Variants in RNASE4 observed in about 807,000 individuals in gnomAD.
RNASE4 encodes the protein ribonuclease 4.
For synonymous variants in RNASE4, 93 were observed against 71.4 expected, an observed-to-expected ratio of 1.30 and a Z score of -1.52; for missense variants, 194 against 192.8, an observed-to-expected ratio of 1.01 and a Z score of -0.04.
At position 20,694,018 on chromosome 14, in the gene RNASE4, C is replaced by T. The variant is rs778543068; in HGVS notation, c.-17-5337C>T. The T allele has an allele frequency of 3.9e-5, 63 of 1,613,960 alleles. 1 individual carries two copies. In the South Asian group the frequency reaches 6.4e-4, roughly 16 times the overall value. On this transcript the variant is annotated intron_variant, in intron 1 of 1. Coordinates refer to ENST00000555835, the MANE Select transcript of RNASE4 (RefSeq NM_002937.5). ...TTTCCGTCGTCCGTAACCAGCGGGC[C>T]CCTGGTCAAGTGCTGGCTCTGCTGT...
chr14:20,694,077 A>G (rs1311022216), intron 1 of RNASE4: 7 of 1,571,186 alleles, frequency 4.5e-6, no homozygotes, highest in Non-Finnish European at 6.1e-6. Flanking sequence ...CACCCAGAAC[A>G]GTGGTGGCAA....
At chr14:20,693,999 T>C in intron 1 of RNASE4, 4 of 1,614,144 alleles carry the variant, frequency 2.5e-6, no homozygotes, top group Non-Finnish European at 3.4e-6. Context: ...CAATTTTCCG[T>C]CGTCCGTAAC....
rs1320197302 is a variant in RNASE4, at chr14:20,693,689, C to T, written c.-17-5666C>T. The T allele has an allele frequency of 3.1e-6, 5 of 1,614,170 alleles. No homozygotes were observed. The highest frequency in any genetic ancestry group is 4.2e-6 in the Non-Finnish European group (5 of 1,180,040). On this transcript the variant is annotated intron_variant, in intron 1 of 1. Transcript: ENST00000555835. ...CTGACCCAGCACTATGATGCCAAAC[C>T]ACAGGGCCGGGATGACAGATACTGT... is the stretch of plus-strand genomic sequence containing the variant.
chr14:20,686,735 C>T (rs760526908), intron 1 of RNASE4, among the ~76,000 whole-genome samples: 22 of 152,216 alleles, frequency 1.4e-4, no homozygotes, highest in Non-Finnish European at 3.1e-4. Context: ...CTTCTTGCCA[C>T]GTGTGCTTTT....
chr14:20,688,837 G>T lies in RNASE4; in HGVS notation c.-18+4079G>T, dbSNP rs935562394. ...CAGCTGGAACCCATCTCCCGTTGAA[G>T]GGAAACTGCCAGATTTTTGTAAGAT... On this transcript the variant is annotated intron_variant, in intron 1 of 1. Coordinates refer to ENST00000555835, the MANE Select transcript of RNASE4 (RefSeq NM_002937.5). 17 of 985,258 alleles carry T rather than the reference G, an allele frequency of 1.7e-5. No individual in the cohort carries two copies. The African/African-American group carries it at 2.3e-4, about 13-fold the overall frequency. The allele number at this position is 985,258 out of a possible 1,614,324, so 61.0% of individuals were successfully genotyped here.
In RNASE4 at chr14:20,693,652, TAC is replaced by T. The variant is rs746835738; in HGVS notation, c.-17-5696_-17-5695del. On this transcript the variant is annotated intron_variant, in intron 1 of 1. Coordinates refer to ENST00000555835, the MANE Select transcript of RNASE4 (RefSeq NM_002937.5). ...GACCCTGGCTCAGGATAACTCCAGG[TAC>T]ACACACTTCCTGACCCAGCACTATG... The T allele has an allele frequency of 6.7e-5, 108 of 1,613,988 alleles. No homozygotes were observed. The highest frequency in any genetic ancestry group is 9.0e-5 in the Non-Finnish European group (106 of 1,180,034).
At chr14:20,690,077 CG>C (rs1886646825) in intron 1 of RNASE4, among the ~76,000 whole-genome samples, 1 of 142,790 alleles carries the variant, frequency 7.0e-6, no homozygotes, top group South Asian at 2.2e-4. Flanking sequence ...TAGCCGGGCG[CG>C]GTGGCGGGCG....
intron 1 of RNASE4, chr14:20,693,397 G>T: frequency 9.8e-7 from 1 of 1,015,304 alleles, no homozygotes; most frequent in South Asian, 1.5e-5. Flanking sequence ...GAAGTGTGAG[G>T]TTAATGAGGA....
intron 1 of RNASE4, among the ~76,000 whole-genome samples, chr14:20,692,842 T>A (rs1056474365): frequency 2.0e-5 from 3 of 152,226 alleles, no homozygotes; most frequent in African/African-American, 7.2e-5. Flanking sequence ...GGCATTTTTT[T>A]ATTTTTTGTT....
At chr14:20,694,262 T>C (rs1003809217) in intron 1 of RNASE4, 56 of 565,760 alleles carry the variant, frequency 9.9e-5, no homozygotes, top group Non-Finnish European at 1.7e-4. Flanking sequence ...CTGAGAGGAC[T>C]GCATAGGATA....
chr14:20,686,896 T>C (rs996992196), intron 1 of RNASE4, among the ~76,000 whole-genome samples: 1 of 152,164 alleles, frequency 6.6e-6, no homozygotes, highest in African/African-American at 2.4e-5. Flanking sequence ...ACATATATAC[T>C]CTGTATGAAG....
At chr14:20,689,038 G>T (rs1886559784) in intron 1 of RNASE4, among the ~76,000 whole-genome samples, 1 of 152,158 alleles carries the variant, frequency 6.6e-6, no homozygotes, top group South Asian at 2.1e-4. Context: ...TTTTGGGATG[G>T]CCTATGTGTG....
chr14:20,685,457 G>A (rs1010459), intron 1 of RNASE4, among the ~76,000 whole-genome samples: 65,130 of 151,460 alleles, frequency 0.43, 13,978 homozygotes, highest in Middle Eastern at 0.52. Flanking sequence ...AAGTCATAAT[G>A]TAATCAGTAG....
chr14:20,688,821 C>A (rs780800053), intron 1 of RNASE4: 13 of 985,376 alleles, frequency 1.3e-5, no homozygotes, highest in Admixed American at 6.1e-5. Context: ...ACAGCTGGAA[C>A]CCATCTCCCG....
Position 20,700,860 on chromosome 14 carries a change from G to A in RNASE4, c.*1045G>A, listed in dbSNP as rs538529534. ...CTGTCAGGTCTCTGAGCCCAAGCCT[G>A]CACGTATACATCCAGATGGCCTGAA... On this transcript the variant is annotated 3_prime_UTR_variant, in exon 2 of 2. Transcript: ENST00000555835. 1 of 152,608 alleles carries A rather than the reference G, an allele frequency of 6.6e-6. No homozygotes were observed. The highest frequency in any genetic ancestry group is 1.5e-5 in the Non-Finnish European group (1 of 68,030). 9.5% of individuals were successfully genotyped at this position (152,608 alleles called of 1,614,324 possible).
chr14:20,699,654 G>A lies in RNASE4; in HGVS notation c.283G>A (p.Gly95Ser), dbSNP rs140987956. Residue 95 changes from glycine to serine, a missense_variant, in exon 2 of 2, where the codon GGC becomes AGC. Coordinates refer to ENST00000555835, the MANE Select transcript of RNASE4 (RefSeq NM_002937.5). ...CSTTNIQCKN[G>S]KMNCHEGVVK... Reference sequence around the variant, plus strand: ...CACCACCAATATCCAATGCAAGAACGGCAAGATGAACTGCCATGAGGGTGT... The same window carrying A: ...CACCACCAATATCCAATGCAAGAACAGCAAGATGAACTGCCATGAGGGTGT... The A allele has an allele frequency of 1.7e-5, 28 of 1,612,060 alleles. No homozygotes were observed. Among genetic ancestry groups the A allele is most frequent in the African/African-American group, 1.2e-4 (9 of 74,916 alleles).
chr14:20,696,730 G>GT (rs929297187), intron 1 of RNASE4, among the ~76,000 whole-genome samples: 1 of 149,116 alleles, frequency 6.7e-6, no homozygotes. Flanking sequence ...AATGGAAGTG[G>GT]TAAAAAAAAA....
intron 1 of RNASE4, chr14:20,688,757 AG>A: frequency 1.2e-5 from 12 of 985,238 alleles, no homozygotes; most frequent in Non-Finnish European, 1.4e-5. Flanking sequence ...CTATATAATC[AG>A]AACCTGGAGA....
intron 1 of RNASE4, among the ~76,000 whole-genome samples, chr14:20,685,971 C>T (rs1202418839): frequency 1.3e-5 from 2 of 149,080 alleles, no homozygotes; most frequent in Admixed American, 6.8e-5. Flanking sequence ...ACCTGGGAGG[C>T]GGAGGTTACA....
Sources: allele counts gnomAD v4.1 joint callset (sites outside exome capture counted in the v4.1 genomes callset), GRCh38; gene constraint gnomAD v4.1.1; transcripts MANE v1.5; gene names NCBI Gene and HGNC (gene_info 2026-07-23, HGNC 2026-07-21).